Variants in COL24A1 observed in about 807,000 individuals in gnomAD.
The protein encoded by COL24A1 is collagen alpha-1(XXIV) chain.
COL24A1 carries 224 observed loss-of-function variants against 253.9 expected under a neutral mutation model. That is an observed-to-expected ratio of 0.88 (90% CI 0.79 to 0.99). The LOEUF (loss-of-function observed/expected upper bound fraction) is 0.99, where lower values mean the gene tolerates loss of function less well. Ranked by LOEUF, COL24A1 falls within the 50% of genes least tolerant of loss-of-function variation. The pLI, the probability that COL24A1 is intolerant of heterozygous loss-of-function variation, is 0.00. For synonymous variants in COL24A1, 685 were observed against 673.7 expected, an observed-to-expected ratio of 1.02 and a Z score of -0.26; for missense variants, 2,131 against 2,068.5, an observed-to-expected ratio of 1.03 and a Z score of -0.59.
At position 85,941,842 on chromosome 1, in the gene COL24A1, G is replaced by C. The variant is rs552155473; in HGVS notation, c.2562+19407C>G. Among the ~76,000 whole-genome samples the C allele has an allele frequency of 1.8e-3, 269 of 152,226 alleles. 1 individual carries two copies. Among genetic ancestry groups the C allele is most frequent in the African/African-American group, 6.3e-3 (260 of 41,554 alleles). On this transcript the variant is annotated intron_variant, in intron 24 of 59. Transcript: ENST00000370571. ...TCTAAACTCATGTGTGCTCTTTTGA[G>C]TGTAGGGGCTGTGCTCCATTAATTG...
At chr1:85,901,824 CAAAAAA>C (rs55862441) in intron 28 of COL24A1, among the ~76,000 whole-genome samples, 10 of 57,784 alleles carry the variant, frequency 1.7e-4, no homozygotes, top group African/African-American at 6.3e-4. Flanking sequence ...GACTCCGTCT[CAAAAAA>C]AAAAAAAAAA....
At chr1:85,964,660 T>C (rs1203413774) in intron 23 of COL24A1, among the ~76,000 whole-genome samples, 1 of 152,152 alleles carries the variant, frequency 6.6e-6, no homozygotes, top group African/African-American at 2.4e-5. Flanking sequence ...ACTTTTTGAG[T>C]ATCAGCATGA....
intron 25 of COL24A1, 88 bp downstream of exon 25, chr1:85,911,292 A>T (rs1367395269): frequency 3.0e-6 from 3 of 1,009,048 alleles, no homozygotes; most frequent in Non-Finnish European, 4.6e-6. Flanking sequence ...AGTGATTTCT[A>T]ATTAACATAA....
intron 43 of COL24A1, among the ~76,000 whole-genome samples, chr1:85,832,402 A>G (rs942291462): frequency 1.2e-4 from 18 of 152,040 alleles, no homozygotes; most frequent in Admixed American, 8.6e-4. Context: ...TTGACTTGGC[A>G]ATGTGGGCTC....
chr1:85,823,597 A>G lies in COL24A1; in HGVS notation c.3736-8T>C. The stretch of plus-strand genomic sequence containing the variant: ...CTGGTCACCTGGTTCGCCCTTTAGT[A>G]GAAACCAAAATAAAAATCACATATG... On this transcript the variant is annotated splice_polypyrimidine_tract_variant and splice_region_variant and intron_variant, in intron 44 of 59. Coordinates refer to ENST00000370571, the MANE Select transcript of COL24A1 (RefSeq NM_152890.7). 3.7e-6 allele frequency: 6 copies of G among 1,614,006 alleles called. No homozygotes were observed. Among genetic ancestry groups the G allele is most frequent in the South Asian group, 1.1e-5 (1 of 91,086 alleles).
chr1:85,809,097 T>C (rs1000747453), intron 47 of COL24A1, among the ~76,000 whole-genome samples: 4 of 152,192 alleles, frequency 2.6e-5, no homozygotes, highest in Non-Finnish European at 5.9e-5. Flanking sequence ...AATAGTGATG[T>C]TATCTATAGA....
intron 59 of COL24A1, among the ~76,000 whole-genome samples, chr1:85,732,921 C>T (rs1473172058): frequency 2.0e-5 from 3 of 152,118 alleles, no homozygotes; most frequent in African/African-American, 7.2e-5. Flanking sequence ...CCATAGTTTA[C>T]AACAGACAGC....
At chr1:85,830,236 G>T (rs1043825580) in intron 43 of COL24A1, among the ~76,000 whole-genome samples, 1 of 152,112 alleles carries the variant, frequency 6.6e-6, no homozygotes, top group African/African-American at 2.4e-5. Context: ...AGGCTGCTCG[G>T]GGGTCAGGGG....
chr1:86,101,570 A>C (rs2390015), intron 5 of COL24A1, among the ~76,000 whole-genome samples: 60,892 of 152,044 alleles, frequency 0.4, 13,422 homozygotes, highest in Non-Finnish European at 0.49. Flanking sequence ...CTTCAATGCC[A>C]GGTTTATTGA....
At chr1:86,047,855 G>T (rs1206366393) in intron 11 of COL24A1, among the ~76,000 whole-genome samples, 1 of 151,962 alleles carries the variant, frequency 6.6e-6, no homozygotes, top group African/African-American at 2.4e-5. Flanking sequence ...ATCACTTTGA[G>T]ATTTGCAGAC....
chr1:86,139,757 G>T (rs1430038203), intron 2 of COL24A1, among the ~76,000 whole-genome samples: 1 of 152,010 alleles, frequency 6.6e-6, no homozygotes, highest in African/African-American at 2.4e-5. Context: ...TTGTAGGAAA[G>T]AACAAATATG....
intron 34 of COL24A1, 30 bp downstream of exon 34, chr1:85,875,247 G>T (rs1378391731): frequency 6.3e-7 from 1 of 1,599,222 alleles, no homozygotes; most frequent in Non-Finnish European, 8.6e-7. Flanking sequence ...TGAAAGTTTA[G>T]AGATTCTCCT....
chr1:85,929,981 G>A (rs1183328962), intron 24 of COL24A1, among the ~76,000 whole-genome samples: 4 of 44,048 alleles, frequency 9.1e-5, no homozygotes, highest in African/African-American at 2.9e-4. Context: ...AGAGAAAGCA[G>A]GAAAGATCCA....
chr1:85,832,188 T>C (rs1558307064), intron 43 of COL24A1, among the ~76,000 whole-genome samples: 2 of 152,116 alleles, frequency 1.3e-5, no homozygotes, highest in Non-Finnish European at 2.9e-5. Flanking sequence ...TAGGGAATCC[T>C]TTCCCCATTG....
intron 32 of COL24A1, among the ~76,000 whole-genome samples, chr1:85,883,379 C>A (rs753533647): frequency 2.6e-5 from 4 of 151,822 alleles, no homozygotes; most frequent in African/African-American, 4.8e-5. Flanking sequence ...CCCACCATGT[C>A]CAACTAATTT....
intron 32 of COL24A1, among the ~76,000 whole-genome samples, chr1:85,885,397 A>ATATATATATTTTTTTT (rs60994639): frequency 2.5e-4 from 32 of 128,890 alleles, no homozygotes; most frequent in Non-Finnish European, 4.3e-4. Flanking sequence ...ATATATATAT[A>ATATATATATTTTTTTT]TTTTTTTTTT....
intron 52 of COL24A1, among the ~76,000 whole-genome samples, chr1:85,780,292 T>G (rs1342455343): frequency 6.6e-6 from 1 of 152,190 alleles, no homozygotes; most frequent in East Asian, 1.9e-4. Context: ...TTTAATTGTC[T>G]GTGTCTATAA....
intron 52 of COL24A1, among the ~76,000 whole-genome samples, chr1:85,776,084 C>T (rs1332672726): frequency 6.6e-6 from 1 of 152,034 alleles, no homozygotes; most frequent in Non-Finnish European, 1.5e-5. Flanking sequence ...CTTTTGAAAA[C>T]CCTGTTTCTG....
At chr1:85,950,031 T>C (rs766094334) in intron 24 of COL24A1, among the ~76,000 whole-genome samples, 1 of 152,120 alleles carries the variant, frequency 6.6e-6, no homozygotes, top group Non-Finnish European at 1.5e-5. Flanking sequence ...CTTACATTTT[T>C]AGGAAAACTC....
Sources: allele counts gnomAD v4.1 joint callset (sites outside exome capture counted in the v4.1 genomes callset), GRCh38; gene constraint gnomAD v4.1.1; transcripts MANE v1.5; gene names NCBI Gene and HGNC (gene_info 2026-07-23, HGNC 2026-07-21).